Variants in CHD6 observed in about 807,000 individuals in gnomAD.
The protein encoded by CHD6 is ATP-dependent chromatin remodeler CHD6.
A neutral mutation model predicts 276.9 loss-of-function variants in CHD6; 50 were observed. That is an observed-to-expected ratio of 0.18 (90% CI 0.14 to 0.23). The LOEUF (loss-of-function observed/expected upper bound fraction) is 0.23, where lower values mean the gene tolerates loss of function less well. Ranked by LOEUF, CHD6 falls within the 10% of genes least tolerant of loss-of-function variation. The probability of loss-of-function intolerance (pLI) is 1.00; values close to 1 mark genes in which losing one functional copy is unlikely to be tolerated. For missense variants in CHD6, 2,564 were observed against 3,365.8 expected (o/e 0.76, Z 5.89); for synonymous variants, 1,173 against 1,229.3 (o/e 0.95, Z 0.96).
intron 27 of CHD6, among the ~76,000 whole-genome samples, chr20:41,430,283 T>C (rs1287602603): frequency 6.6e-6 from 1 of 152,238 alleles, no homozygotes. Flanking sequence ...GAGCAAATCA[T>C]AAATGTGTTA....
At chr20:41,606,452 T>A (rs1157333657) in intron 1 of CHD6, among the ~76,000 whole-genome samples, 1 of 151,792 alleles carries the variant, frequency 6.6e-6, no homozygotes, top group African/African-American at 2.4e-5. Flanking sequence ...AGGTGGAGTT[T>A]GCAGTGAGCC....
In CHD6 at chr20:41,473,177, A is replaced by AC; in HGVS notation, c.2664+144dup. The stretch of plus-strand genomic sequence containing the variant: ...CGACATTTACTTTTCATTCAGTTTC[A>AC]CCCCCTGACCAAGGCCCTAAGCCTG... On this transcript the variant is annotated intron_variant, in intron 17 of 36. Coordinates refer to ENST00000373233, the MANE Select transcript of CHD6 (RefSeq NM_032221.5). The surrounding 1 kb of genome is among the most constrained non-coding windows in gnomAD (Gnocchi z 4.1). 3.1e-6 allele frequency: 2 copies of AC among 639,418 alleles called. No homozygotes were observed. Among genetic ancestry groups the AC allele is most frequent in the East Asian group, 5.6e-5 (2 of 35,988 alleles). The allele number at this position is 639,418 out of a possible 1,614,324, so 39.6% of individuals were successfully genotyped here. A position where few individuals can be genotyped will look rare whatever the true frequency, so the allele number is the denominator to read the frequency against.
chr20:41,576,063 A>AT (rs1434206721), intron 1 of CHD6, among the ~76,000 whole-genome samples: 3 of 152,176 alleles, frequency 2.0e-5, no homozygotes, highest in African/African-American at 7.2e-5. Flanking sequence ...GGAAAAATTA[A>AT]TTCTTTTTTT....
intron 20 of CHD6, among the ~76,000 whole-genome samples, chr20:41,453,186 T>C (rs2048290516): frequency 6.6e-6 from 1 of 152,032 alleles, no homozygotes; most frequent in South Asian, 2.1e-4. Flanking sequence ...CATCTGTTGT[T>C]TCTGCAGTCA....
chr20:41,531,039 T>C (rs2044672916), intron 3 of CHD6, among the ~76,000 whole-genome samples: 1 of 152,258 alleles, frequency 6.6e-6, no homozygotes, highest in Non-Finnish European at 1.5e-5. Context: ...TGATTTTGCC[T>C]ATACATTTGG....
At chr20:41,459,172 C>A (rs2048467124) in intron 17 of CHD6, among the ~76,000 whole-genome samples, 1 of 152,152 alleles carries the variant, frequency 6.6e-6, no homozygotes, top group South Asian at 2.1e-4. Context: ...TGGAAGCCCC[C>A]ACCCATGCCC....
At chr20:41,548,208 G>A (rs2045080253) in intron 2 of CHD6, among the ~76,000 whole-genome samples, 1 of 152,152 alleles carries the variant, frequency 6.6e-6, no homozygotes, top group South Asian at 2.1e-4. Context: ...AAGAGGAGCA[G>A]GATCAAGTCT....
chr20:41,519,302 A>G (rs1193242451), intron 3 of CHD6, among the ~76,000 whole-genome samples: 5 of 152,164 alleles, frequency 3.3e-5, no homozygotes, highest in Non-Finnish European at 7.3e-5. Flanking sequence ...CAAACAAACA[A>G]ACAAAAACAA....
chr20:41,543,102 C>CAAA (rs568067367), intron 2 of CHD6, among the ~76,000 whole-genome samples: 22 of 80,698 alleles, frequency 2.7e-4, no homozygotes, highest in African/African-American at 1.0e-3. Flanking sequence ...GACTCTGTCT[C>CAAA]AAAAAAAAAA....
rs557845532 is a variant in CHD6 at position 41,449,326 on chromosome 20, T to C, written c.3684-1355A>G. ...AGCTTTAGTAAAAAGTGGAACAGAA[T>C]GTCAGAGTCCTGCCTGCTGAGACTT... On this transcript the variant is annotated intron_variant, in intron 23 of 36. Coordinates refer to ENST00000373233, the MANE Select transcript of CHD6 (RefSeq NM_032221.5). Among the ~76,000 whole-genome samples, 43 of 152,358 alleles carry C rather than the reference T, an allele frequency of 2.8e-4. No individual in the cohort carries two copies. The South Asian group carries it at 6.6e-3, about 23-fold the overall frequency.
intron 1 of CHD6, among the ~76,000 whole-genome samples, chr20:41,578,193 T>C (rs763721140): frequency 1.2e-4 from 18 of 151,876 alleles, no homozygotes; most frequent in Non-Finnish European, 2.4e-4. Flanking sequence ...AAACCACAAA[T>C]GCATAATGCA....
chr20:41,445,789 A>T (rs755147764), intron 24 of CHD6, 21 bp from the exon 25 acceptor site: 1 of 1,495,380 alleles, frequency 6.7e-7, no homozygotes, highest in South Asian at 1.1e-5. Flanking sequence ...AAGGGTGTAG[A>T]CTCAAAACAA....
At chr20:41,422,970 A>G (rs1388895343) in intron 30 of CHD6, among the ~76,000 whole-genome samples, 3 of 152,228 alleles carry the variant, frequency 2.0e-5, no homozygotes, top group African/African-American at 7.2e-5. Flanking sequence ...CCATCTACAA[A>G]TACGAGGCTA....
At chr20:41,592,293 A>T (rs938368562) in intron 1 of CHD6, among the ~76,000 whole-genome samples, 1 of 152,204 alleles carries the variant, frequency 6.6e-6, no homozygotes, top group South Asian at 2.1e-4. Flanking sequence ...CCACACACAC[A>T]AGAAAAGTGG....
At position 41,413,397 on chromosome 20, in the gene CHD6, A is replaced by G. The variant is rs2046900562; in HGVS notation, c.7058T>C (p.Ile2353Thr). 6.2e-7 allele frequency: 1 copy of G among 1,612,142 alleles called. No homozygotes were observed. The highest frequency in any genetic ancestry group is 8.5e-7 in the Non-Finnish European group (1 of 1,179,974). ...CCAGTCAAGCAGACTCTTGCTGGGAATGGATTTCTCGGCTTGGCTGCTGGC... is the reference window on the plus strand; with the variant it reads ...CCAGTCAAGCAGACTCTTGCTGGGAGTGGATTTCTCGGCTTGGCTGCTGGC... ...TAASSQAEKS[I>T]PSKSLLDWLR... Residue 2353 changes from isoleucine to threonine, a missense_variant, in exon 35 of 37, where the codon ATT becomes ACT. Ile to Thr is a moderately conservative substitution (Grantham distance 89). This residue lies in a region of CHD6 where 1,024 missense variants were observed against 1,047.9 expected (regional missense o/e 0.98). Transcript: ENST00000373233.
intron 1 of CHD6, among the ~76,000 whole-genome samples, chr20:41,594,922 G>C (rs1373887227): frequency 6.6e-6 from 1 of 152,242 alleles, no homozygotes; most frequent in African/African-American, 2.4e-5. Flanking sequence ...TCGGACAGGT[G>C]CAGGTAGCAC....
intron 3 of CHD6, among the ~76,000 whole-genome samples, chr20:41,530,102 A>C (rs1381679410): frequency 6.6e-6 from 1 of 152,208 alleles, no homozygotes; most frequent in Non-Finnish European, 1.5e-5. Context: ...GCTGGCAGAT[A>C]AACTCAAGTG....
chr20:41,432,160 C>CAAAAAAAAAAAAAAAAAAAAAAAAAAAAA, intron 27 of CHD6, among the ~76,000 whole-genome samples: 1 of 58,996 alleles, frequency 1.7e-5, no homozygotes, highest in East Asian at 4.6e-4. Context: ...AACTCCGTCT[C>CAAAAAAAAAAAAAAAAAAAAAAAAAAAAA]AAAAAAAAAA....
rs560298325 is a variant in CHD6 at position 41,466,150 on chromosome 20, C to T, written c.2664+7172G>A. Among the ~76,000 whole-genome samples the T allele has an allele frequency of 1.6e-3, 239 of 152,182 alleles. 3 individuals carry two copies. The highest frequency in any genetic ancestry group is 2.5e-3 in the Non-Finnish European group (171 of 68,010). On this transcript the variant is annotated intron_variant, in intron 17 of 36. Coordinates refer to ENST00000373233, the MANE Select transcript of CHD6 (RefSeq NM_032221.5). ...CCAGGAGGTGGAGGTTGCAGTGAGC[C>T]GAGGTTGCGTCACTGCACTCCAGCC...
Sources: gnomAD v4.1 joint callset for allele counts (sites outside exome capture counted in the v4.1 genomes callset) on GRCh38, gnomAD v4.1.1 for gene constraint, gnomAD v4.1.1 regional missense constraint, Gnocchi (gnomAD v3.1) non-coding constraint, MANE v1.5 for transcripts, NCBI Gene and HGNC (gene_info 2026-07-23, HGNC 2026-07-21) for gene names.